Variants in NHSL3 observed in about 807,000 individuals in gnomAD.
NHSL3 encodes NHS like 3.
the NHSL3 span, among the ~76,000 whole-genome samples, chr1:32,756,477 C>CCT: frequency 1.8e-5 from 2 of 110,788 alleles, no homozygotes; most frequent in African/African-American, 3.3e-5. Flanking sequence ...GAGACCCCCC[C>CCT]CCCCCGCCCA....
At chr1:32,757,900 C>T in the NHSL3 span, among the ~76,000 whole-genome samples, 1 of 152,278 alleles carries the variant, frequency 6.6e-6, no homozygotes, top group South Asian at 2.1e-4. Context: ...CGGCCCCGGC[C>T]CCGGGGGATT....
At chr1:32,754,675 G>C in the NHSL3 span, among the ~76,000 whole-genome samples, 1 of 152,114 alleles carries the variant, frequency 6.6e-6, no homozygotes, top group African/African-American at 2.4e-5. Flanking sequence ...CAACCAACCG[G>C]ACTCGCATTC....
the NHSL3 span, chr1:32,765,734 G>C: frequency 1.3e-6 from 2 of 1,546,652 alleles, no homozygotes; most frequent in Non-Finnish European, 1.7e-6. Flanking sequence ...GAGAGGCAGG[G>C]TGGGATAGGG....
chr1:32,765,428 T>C, the NHSL3 span, among the ~76,000 whole-genome samples: 27 of 152,324 alleles, frequency 1.8e-4, 2 homozygotes, highest in African/African-American at 6.0e-4. Context: ...ACTCTGGACT[T>C]GCAGGCAGGG....
the NHSL3 span, among the ~76,000 whole-genome samples, chr1:32,752,948 CACATATATATATATAT>C: frequency 0.012 from 400 of 32,186 alleles, 12 homozygotes; most frequent in Non-Finnish European, 0.016. Context: ...CACACACACA[CACATATATATATATAT>C]ATATTTTGGT....
chr1:32,767,162 T>C, the NHSL3 span, among the ~76,000 whole-genome samples: 1 of 152,232 alleles, frequency 6.6e-6, no homozygotes, highest in Non-Finnish European at 1.5e-5. Context: ...CCGTGATATC[T>C]TCTTCCTGGA....
At chr1:32,771,992 C>T in the NHSL3 span, 1 of 1,604,018 alleles carries the variant, frequency 6.2e-7, no homozygotes, top group East Asian at 2.2e-5. Context: ...CGACTCAAGG[C>T]CTGCAGCCTG....
the NHSL3 span, chr1:32,767,647 A>C: frequency 1.4e-6 from 1 of 697,092 alleles, no homozygotes; most frequent in Admixed American, 2.5e-5. Context: ...TTATGTGTCC[A>C]GACTGGGGAA....
chr1:32,771,297 C>A, the NHSL3 span: 1 of 1,603,790 alleles, frequency 6.2e-7, no homozygotes, highest in Admixed American at 1.7e-5. Flanking sequence ...GTCCTCAGTC[C>A]CCTCCCACTC....
the NHSL3 span, chr1:32,769,741 C>A: frequency 1.2e-6 from 2 of 1,612,846 alleles, no homozygotes; most frequent in Non-Finnish European, 1.7e-6. Flanking sequence ...GCGGGAGCGG[C>A]GGAGCACTGT....
chr1:32,770,230 C>T, the NHSL3 span: 1 of 1,604,564 alleles, frequency 6.2e-7, no homozygotes. The surrounding 1 kb of genome is among the most constrained non-coding windows in gnomAD (Gnocchi z 8.3). Context: ...GGCCACCTAC[C>T]TGTCGAAGTT....
At chr1:32,770,133 C>T in the NHSL3 span, 2 of 1,570,200 alleles carry the variant, frequency 1.3e-6, no homozygotes, top group African/African-American at 2.7e-5. This position sits in a 1 kb window ranked among gnomAD's most constrained non-coding sequence, Gnocchi z 8.3. Context: ...CACCATTGAC[C>T]CGGCCCATGT....
chr1:32,758,263 C>T, the NHSL3 span, among the ~76,000 whole-genome samples: 4 of 152,148 alleles, frequency 2.6e-5, no homozygotes, highest in Admixed American at 6.5e-5. Flanking sequence ...AAGACCCGCC[C>T]TCTTCCTTTT....
At chr1:32,753,502 TA>T in the NHSL3 span, among the ~76,000 whole-genome samples, 2 of 151,388 alleles carry the variant, frequency 1.3e-5, no homozygotes, top group Non-Finnish European at 2.9e-5. Context: ...AAAAAAATAA[TA>T]AAAAAAGGAC....
At chr1:32,762,774 G>C in the NHSL3 span, among the ~76,000 whole-genome samples, 7 of 152,008 alleles carry the variant, frequency 4.6e-5, no homozygotes, top group Non-Finnish European at 1.0e-4. Flanking sequence ...ATTTTTAGTA[G>C]AGACGGGCTT....
chr1:32,762,417 A>C, the NHSL3 span, among the ~76,000 whole-genome samples: 2 of 148,226 alleles, frequency 1.3e-5, no homozygotes, highest in Non-Finnish European at 3.0e-5. Context: ...TGTTTTTTAG[A>C]GTTATCAGGG....
the NHSL3 span, chr1:32,772,222 C>G: frequency 6.2e-7 from 1 of 1,609,020 alleles, no homozygotes; most frequent in Non-Finnish European, 8.5e-7. Flanking sequence ...ACCCCAGGCC[C>G]CAAAGAAGTC....
At chr1:32,770,330 C>CA in the NHSL3 span, 1 of 1,612,072 alleles carries the variant, frequency 6.2e-7, no homozygotes, top group Non-Finnish European at 8.5e-7. This position sits in a 1 kb window ranked among gnomAD's most constrained non-coding sequence, Gnocchi z 8.3. Flanking sequence ...AGCCTGCACT[C>CA]GGCCAGCCCA....
At chr1:32,759,205 G>A in the NHSL3 span, among the ~76,000 whole-genome samples, 1 of 152,228 alleles carries the variant, frequency 6.6e-6, no homozygotes, top group South Asian at 2.1e-4. Context: ...CAGGCACTCT[G>A]TGATGTGGGT....
Sources: gnomAD v4.1 joint callset for allele counts (sites outside exome capture counted in the v4.1 genomes callset) on GRCh38, gnomAD v4.1.1 for gene constraint, Gnocchi (gnomAD v3.1) non-coding constraint, MANE v1.5 for transcripts, NCBI Gene and HGNC (gene_info 2026-07-23, HGNC 2026-07-21) for gene names.